NHSL1: variants seen among roughly 807,000 people sequenced by gnomAD.
NHSL1 encodes the protein NHS-like protein 1.
NHSL1 carries 48 observed loss-of-function variants against 95.0 expected under a neutral mutation model. The ratio of observed to expected loss-of-function variants is 0.51; its 90% CI spans 0.40 to 0.64. The LOEUF is 0.64. NHSL1 is among the 30% of genes least tolerant of loss of function. The pLI is 0.00. For missense variants in NHSL1, 1,971 were observed against 2,077.7 expected (o/e 0.95, Z 1.00); for synonymous variants, 783 against 833.9 (o/e 0.94, Z 1.05).
At chr6:138,427,132 A>G (rs934260555) in intron 7 of NHSL1, among the ~76,000 whole-genome samples, 1 of 152,214 alleles carries the variant, frequency 6.6e-6, no homozygotes, top group African/African-American at 2.4e-5. Flanking sequence ...TGTAATTTAG[A>G]TTTTAAACGG....
rs562305147 is a variant in NHSL1, at chr6:138,430,934, C to A, written c.3411G>T (p.Ser1137=). 6.4e-7 allele frequency: 1 copy of A among 1,551,584 alleles called. No individual in the cohort carries two copies. Among genetic ancestry groups the A allele is most frequent in the South Asian group, 1.2e-5 (1 of 84,054 alleles). ...SESQPASVTS[S]LPTPAKSSSQ... Reference sequence around the variant, plus strand: ...TCGAGCTCTTGGCAGGCGTCGGAAGCGAGCTTGTCACAGAGGCAGGCTGGC... The same window carrying A: ...TCGAGCTCTTGGCAGGCGTCGGAAGAGAGCTTGTCACAGAGGCAGGCTGGC... Residue 1137 remains serine, a synonymous_variant, in exon 6 of 8, where the codon TCG becomes TCT. Transcript: ENST00000343505. The surrounding 1 kb of genome is among the most constrained non-coding windows in gnomAD (Gnocchi z 4.7).
chr6:138,545,025 T>C (rs1278353421), intron 1 of NHSL1, among the ~76,000 whole-genome samples: 2 of 141,426 alleles, frequency 1.4e-5, no homozygotes, highest in Non-Finnish European at 3.0e-5. Context: ...AGTTTCACTC[T>C]TGTTGCCCAG....
intron 3 of NHSL1, among the ~76,000 whole-genome samples, chr6:138,451,234 T>G (rs1039233533): frequency 6.6e-6 from 1 of 152,190 alleles, no homozygotes; most frequent in African/African-American, 2.4e-5. Flanking sequence ...GTACCTTCCA[T>G]GCACACTCGC....
Position 138,466,068 on chromosome 6 carries a change from C to T in NHSL1, c.339+7238G>A, listed in dbSNP as rs13191673. Among the ~76,000 whole-genome samples the T allele has an allele frequency of 4.1e-3, 559 of 136,682 alleles. 1 individual carries two copies. The highest frequency in any genetic ancestry group is 7.1e-3 in the Non-Finnish European group (460 of 65,120). The allele number at this position is 136,682 out of a possible 152,430, so 89.7% of individuals were successfully genotyped here. Reference sequence around the variant, plus strand: ...GGGGGGGGGCAGGGGGGAACAGAGTCTTGCTTAGTTGCCCAGGCTGGAGTG... The same window carrying T: ...GGGGGGGGGCAGGGGGGAACAGAGTTTTGCTTAGTTGCCCAGGCTGGAGTG... On this transcript the variant is annotated intron_variant, in intron 3 of 7. Coordinates refer to ENST00000343505, the MANE Select transcript of NHSL1 (RefSeq NM_001144060.2).
upstream of NHSL1, among the ~76,000 whole-genome samples, chr6:138,574,856 GAAATAAATAA>G (rs1057376174): frequency 4.6e-5 from 7 of 151,722 alleles, no homozygotes; most frequent in African/African-American, 1.7e-4. Context: ...TATCTCAAAA[GAAATAAATAA>G]AAATAAAAAA....
chr6:138,470,989 T>C (rs1778714697), intron 3 of NHSL1, among the ~76,000 whole-genome samples: 1 of 152,172 alleles, frequency 6.6e-6, no homozygotes, highest in South Asian at 2.1e-4. Flanking sequence ...CTTTTATATA[T>C]ATTCCCTTAT....
intron 1 of NHSL1, among the ~76,000 whole-genome samples, chr6:138,613,772 G>A (rs954141767): frequency 2.0e-5 from 3 of 152,208 alleles, no homozygotes; most frequent in Admixed American, 2.0e-4. Context: ...GCAGTAATAG[G>A]AGAGGGGAAG....
At position 138,431,992 on chromosome 6, in the gene NHSL1, C is replaced by T; in HGVS notation, c.2353G>A (p.Asp785Asn). The change falls in exon 6 of 8, where the codon GAC (aspartate) becomes AAC (asparagine). Residue 785 changes from aspartate (D) to asparagine (N), a missense_variant. Asp to Asn is a conservative substitution (Grantham distance 23, BLOSUM62 1). Coordinates refer to ENST00000343505, the MANE Select transcript of NHSL1 (RefSeq NM_001144060.2). The surrounding 1 kb of genome is among the most constrained non-coding windows in gnomAD (Gnocchi z 4.0). ...GGATCTTCCTGCATGCCCGTGTAGT[C>T]AATGTAATAACCCCAGGGGTCCGTG... ...EYTDPWGYYIDYTGMQEDPGN... is the reference protein window; with the variant it reads ...EYTDPWGYYINYTGMQEDPGN... 3.2e-6 allele frequency: 5 copies of T among 1,551,738 alleles called. No homozygotes were observed. The highest frequency in any genetic ancestry group is 4.4e-6 in the Non-Finnish European group (5 of 1,147,004).
At chr6:138,589,410 G>A (rs971060520) in intron 1 of NHSL1, among the ~76,000 whole-genome samples, 4 of 152,258 alleles carry the variant, frequency 2.6e-5, no homozygotes, top group South Asian at 2.1e-4. Context: ...GGGGCCTCAC[G>A]AGCCAAGCGG....
At chr6:138,565,442 G>C (rs553658761) in intron 1 of NHSL1, among the ~76,000 whole-genome samples, 35 of 152,178 alleles carry the variant, frequency 2.3e-4, no homozygotes, top group African/African-American at 8.2e-4. Context: ...TCTGGAGACA[G>C]TGTAGACTCA....
intron 1 of NHSL1, among the ~76,000 whole-genome samples, chr6:138,661,796 G>T (rs951991239): frequency 6.6e-6 from 1 of 152,164 alleles, no homozygotes; most frequent in African/African-American, 2.4e-5. Context: ...GGACAGGCAG[G>T]TGGCTCATGC....
chr6:138,611,572 C>G (rs1022548801), intron 1 of NHSL1, among the ~76,000 whole-genome samples: 1 of 151,890 alleles, frequency 6.6e-6, no homozygotes, highest in African/African-American at 2.4e-5. Flanking sequence ...CAGTGAAACT[C>G]TGTCTCTATT....
In NHSL1 at chr6:138,447,098, C is replaced by G; in HGVS notation, c.435G>C (p.Thr145=). Residue 145 remains threonine (T), a synonymous_variant, in exon 4 of 8, where the codon ACG becomes ACC. Transcript: ENST00000343505. ...SSDFSDLNTQ[T]NWTKSLPLPT... is the part of the protein sequence containing the mutation. ...GCAGTGGAAGCGACTTGGTCCAGTT[C>G]GTCTGAGTATTAAGGTCGGAGAAGT... 6.4e-7 allele frequency: 1 copy of G among 1,551,712 alleles called. No homozygotes were observed. Among genetic ancestry groups the G allele is most frequent in the Non-Finnish European group, 8.7e-7 (1 of 1,147,008 alleles).
In NHSL1 at chr6:138,536,112, G is replaced by A. The variant is rs551093918; in HGVS notation, c.16+9511C>T. On this transcript the variant is annotated intron_variant, in intron 1 of 4. Coordinates refer to the NHSL1 transcript ENST00000342260. The stretch of plus-strand genomic sequence containing the variant: ...AAACATAGTCCAAAACAGCAGTCTG[G>A]GAGAAACCTGTGGTATGGCATGTGT... Among the ~76,000 whole-genome samples the A allele has an allele frequency of 1.3e-4, 20 of 152,250 alleles. 1 individual carries two copies. The highest frequency in any genetic ancestry group is 4.8e-4 in the African/African-American group (20 of 41,546).
At chr6:138,501,165 C>T (rs1780653640), upstream of NHSL1, among the ~76,000 whole-genome samples, 1 of 152,202 alleles carries the variant, frequency 6.6e-6, no homozygotes, top group African/African-American at 2.4e-5. Context: ...TCAAGAAACT[C>T]TGATTATGCT....
In NHSL1 at chr6:138,496,258, G is replaced by A; in HGVS notation, c.172C>T (p.His58Tyr). ...TTGAGGTTGAGCTTGGCTTGGCGGT[G>A]CAGGTCCTCAACACAGGGGGGTCTT... ...TTRPPCVEDL[H>Y]RQAKLNLKSV... The change falls in exon 2 of 8, where the codon CAC becomes TAC. Residue 58 changes from histidine (H) to tyrosine (Y), a missense_variant. By Grantham distance (83) the His-to-Tyr change is moderately conservative. Around this residue, in one of 3 missense-constraint regions of NHSL1, gnomAD observed 1,602 missense variants for 1,654.5 expected, o/e 0.97. Coordinates refer to ENST00000343505, the MANE Select transcript of NHSL1 (RefSeq NM_001144060.2). 6.4e-7 allele frequency: 1 copy of A among 1,550,986 alleles called. No individual in the cohort carries two copies. Among genetic ancestry groups the A allele is most frequent in the South Asian group, 1.2e-5 (1 of 83,988 alleles).
chr6:138,647,093 C>T (rs1044865086), intron 1 of NHSL1, among the ~76,000 whole-genome samples: 1 of 152,204 alleles, frequency 6.6e-6, no homozygotes, highest in Non-Finnish European at 1.5e-5. Context: ...TCAGCTTCTC[C>T]TTTCTGTACT....
chr6:138,433,684 G>T lies in NHSL1; in HGVS notation c.665-4C>A. 4 of 1,516,832 alleles carry T rather than the reference G, an allele frequency of 2.6e-6. No homozygotes were observed. The highest frequency in any genetic ancestry group is 3.6e-6 in the Non-Finnish European group (4 of 1,124,098). 94.0% of individuals were successfully genotyped at this position (1,516,832 alleles called of 1,614,324 possible). ...TCATCTTGGCCAGTGCCTGATGCTG[G>T]AGATAAAGCAGAAAGAGGCTTGTTA... is the stretch of plus-strand genomic sequence containing the variant. On this transcript the variant is annotated splice_polypyrimidine_tract_variant and splice_region_variant and intron_variant, in intron 5 of 7. Coordinates refer to ENST00000343505, the MANE Select transcript of NHSL1 (RefSeq NM_001144060.2).
upstream of NHSL1, among the ~76,000 whole-genome samples, chr6:138,503,832 G>GC (rs993853050): frequency 2.0e-5 from 3 of 151,756 alleles, no homozygotes; most frequent in African/African-American, 7.3e-5. Flanking sequence ...AATCTGCTTT[G>GC]CCCCCCAAAC....
Sources: gnomAD v4.1 joint callset for allele counts (sites outside exome capture counted in the v4.1 genomes callset) on GRCh38, gnomAD v4.1.1 for gene constraint, gnomAD v4.1.1 regional missense constraint, Gnocchi (gnomAD v3.1) non-coding constraint, MANE v1.5 for transcripts, NCBI Gene and HGNC (gene_info 2026-07-23, HGNC 2026-07-21) for gene names.